Variants in CIMAP1D observed in about 807,000 individuals in gnomAD.
CIMAP1D encodes protein CIMAP1D.
At chr19:488,123 G>C in the CIMAP1D span, among the ~76,000 whole-genome samples, 6 of 152,304 alleles carry the variant, frequency 3.9e-5, no homozygotes, top group South Asian at 1.2e-3. Flanking sequence ...TCTTGGGACA[G>C]GAGTCTTGCC....
the CIMAP1D span, among the ~76,000 whole-genome samples, chr19:480,256 G>A: frequency 6.6e-6 from 1 of 152,266 alleles, no homozygotes; most frequent in African/African-American, 2.4e-5. Context: ...AGAGGAGCCG[G>A]GAGGAAGCCG....
the CIMAP1D span, chr19:464,235 G>T: frequency 6.6e-7 from 1 of 1,526,094 alleles, no homozygotes; most frequent in Non-Finnish European, 8.8e-7. Flanking sequence ...GGCATTAGGG[G>T]CAGGGGCTGA....
chr19:467,626 G>T, the CIMAP1D span: 20 of 1,495,314 alleles, frequency 1.3e-5, no homozygotes, highest in African/African-American at 2.8e-5. Context: ...GTCCTTGTGC[G>T]GCTGCTTGGC....
At chr19:474,485 CTG>C in the CIMAP1D span, 5 of 909,360 alleles carry the variant, frequency 5.5e-6, no homozygotes, top group African/African-American at 8.8e-5. Flanking sequence ...GGAAGGAAAA[CTG>C]AGGTCTGGGG....
At chr19:464,158 C>T in the CIMAP1D span, 459 of 1,501,832 alleles carry the variant, frequency 3.1e-4, no homozygotes, top group African/African-American at 5.9e-3. Context: ...GTGCGGCCCA[C>T]CACCGTGTAG....
the CIMAP1D span, among the ~76,000 whole-genome samples, chr19:470,173 G>A: frequency 1.9e-4 from 29 of 151,942 alleles, no homozygotes; most frequent in Non-Finnish European, 4.0e-4. Flanking sequence ...TTTGAACCTG[G>A]GAACTCAGAT....
chr19:472,776 C>T, the CIMAP1D span, among the ~76,000 whole-genome samples: 42 of 151,444 alleles, frequency 2.8e-4, no homozygotes, highest in African/African-American at 9.7e-4. Context: ...CAGAGATACA[C>T]GGTCACAGGT....
At chr19:481,559 T>G in the CIMAP1D span, among the ~76,000 whole-genome samples, 9 of 116,774 alleles carry the variant, frequency 7.7e-5, no homozygotes, top group Non-Finnish European at 1.3e-4. Flanking sequence ...AGAAGGATGA[T>G]GGGAAGGATG....
the CIMAP1D span, among the ~76,000 whole-genome samples, chr19:477,956 G>A: frequency 6.6e-6 from 1 of 152,160 alleles, no homozygotes; most frequent in African/African-American, 2.4e-5. Flanking sequence ...CTCCACCTCG[G>A]CCTCTGCCTG....
the CIMAP1D span, among the ~76,000 whole-genome samples, chr19:471,082 G>A: frequency 1.3e-5 from 2 of 152,250 alleles, no homozygotes; most frequent in South Asian, 2.1e-4. Context: ...CCTCACACCC[G>A]ACAGCACACG....
the CIMAP1D span, chr19:463,860 G>A: frequency 9.3e-6 from 15 of 1,609,514 alleles, no homozygotes; most frequent in Non-Finnish European, 1.3e-5. Context: ...GCAGCGGCCG[G>A]GCAGCCTGTG....
the CIMAP1D span, among the ~76,000 whole-genome samples, chr19:465,919 A>G: frequency 3.6e-3 from 248 of 68,664 alleles, no homozygotes; most frequent in Middle Eastern, 0.015. Flanking sequence ...TAGATGGATG[A>G]GTGGATGGGT....
the CIMAP1D span, chr19:467,678 T>C: frequency 6.2e-7 from 1 of 1,610,716 alleles, no homozygotes. Context: ...CTGCATGGAG[T>C]AGGCAGGGGT....
At chr19:465,728 G>T in the CIMAP1D span, among the ~76,000 whole-genome samples, 20 of 147,450 alleles carry the variant, frequency 1.4e-4, no homozygotes, top group African/African-American at 4.8e-4. Context: ...TGAGTGGGTA[G>T]GTGAAAGGAT....
chr19:464,347 C>T, the CIMAP1D span: 1 of 1,541,140 alleles, frequency 6.5e-7, no homozygotes. Context: ...GCCCCAGGGC[C>T]TGGCGTCACC....
the CIMAP1D span, among the ~76,000 whole-genome samples, chr19:480,837 GGAT>G: frequency 7.3e-5 from 10 of 137,888 alleles, no homozygotes; most frequent in Non-Finnish European, 1.2e-4. Context: ...ATGATGGAAA[GGAT>G]GATGGGAAGG....
chr19:473,867 G>A, the CIMAP1D span, among the ~76,000 whole-genome samples: 87 of 81,592 alleles, frequency 1.1e-3, no homozygotes, highest in East Asian at 5.7e-3. Context: ...CAGATGGGGA[G>A]ACTGAGGCCC....
chr19:470,942 G>A, the CIMAP1D span, among the ~76,000 whole-genome samples: 3 of 152,176 alleles, frequency 2.0e-5, no homozygotes, highest in Non-Finnish European at 2.9e-5. Context: ...ACAGCGAGCC[G>A]GTGCACCCCA....
At chr19:466,287 G>T in the CIMAP1D span, among the ~76,000 whole-genome samples, 2 of 123,798 alleles carry the variant, frequency 1.6e-5, no homozygotes, top group East Asian at 3.0e-4. Context: ...GGGTGGGTGG[G>T]TGGATGGATG....
Sources: allele counts gnomAD v4.1 joint callset (sites outside exome capture counted in the v4.1 genomes callset), GRCh38; gene constraint gnomAD v4.1.1; transcripts MANE v1.5; gene names NCBI Gene and HGNC (gene_info 2026-07-23, HGNC 2026-07-21).